Variants in ZSWIM5 observed in about 807,000 individuals in gnomAD.
The protein encoded by ZSWIM5 is zinc finger SWIM domain-containing protein 5.
ZSWIM5 carries 55 observed loss-of-function variants against 119.6 expected under a neutral mutation model. The observed-to-expected ratio is 0.46, with a 90% CI of 0.37 to 0.58. ZSWIM5 has a LOEUF of 0.58. Ranked by LOEUF, ZSWIM5 falls within the 20% of genes least tolerant of loss-of-function variation. ZSWIM5 has a pLI of 0.00. For missense variants in ZSWIM5, 1,193 were observed against 1,512.8 expected, an observed-to-expected ratio of 0.79 and a Z score of 3.51; for synonymous variants, 537 against 606.9, an observed-to-expected ratio of 0.88 and a Z score of 1.69.
At chr1:45,112,815 G>A (rs1237888852) in intron 1 of ZSWIM5, among the ~76,000 whole-genome samples, 3 of 152,142 alleles carry the variant, frequency 2.0e-5, no homozygotes, top group Non-Finnish European at 4.4e-5. Context: ...CTTTGTACCA[G>A]AGCATCACCC....
At chr1:45,116,181 C>A (rs1645556659) in intron 1 of ZSWIM5, among the ~76,000 whole-genome samples, 3 of 152,118 alleles carry the variant, frequency 2.0e-5, no homozygotes. Context: ...ATTAATCAAT[C>A]CTGTATCACT....
At position 45,076,225 on chromosome 1, in the gene ZSWIM5, A is replaced by G. The variant is rs1021435097; in HGVS notation, c.952+11656T>C. ...TCACCAGTGAGTTCTGTACCTTCAT[A>G]TGATTTCTTATTGTTCATTAACATC... On this transcript the variant is annotated intron_variant, in intron 2 of 13. Transcript: ENST00000359600. Among the ~76,000 whole-genome samples the G allele has an allele frequency of 7.9e-5, 12 of 152,246 alleles. 1 individual carries two copies. Among genetic ancestry groups the G allele is most frequent in the Non-Finnish European group, 1.5e-5 (1 of 67,986 alleles).
chr1:45,172,138 AG>A (rs1165846878), intron 1 of ZSWIM5, among the ~76,000 whole-genome samples: 1 of 152,098 alleles, frequency 6.6e-6, no homozygotes, highest in Non-Finnish European at 1.5e-5. Context: ...TCAAAAAAAA[AG>A]GAAAGATAAT....
chr1:45,060,346 C>A, intron 2 of ZSWIM5, 99 bp from the exon 3 acceptor site: 1 of 1,267,886 alleles, frequency 7.9e-7, no homozygotes. Context: ...AGAGATGGGT[C>A]ATTCTGCTTT....
Position 45,036,368 on chromosome 1 carries a change from T to C in ZSWIM5, c.1895-69A>G, listed in dbSNP as rs1330850645. ...GAGTCTTCTTTCTTTTTTTTTTTTT[T>C]TTTTGAGACAGAGTCTTGCTCTGTT... On this transcript the variant is annotated intron_variant, in intron 8 of 13. Coordinates refer to ENST00000359600, the MANE Select transcript of ZSWIM5 (RefSeq NM_020883.2). 8 of 1,523,826 alleles carry C rather than the reference T, an allele frequency of 5.2e-6. No homozygotes were observed. The African/African-American group carries it at 9.8e-5, about 19-fold the overall frequency. 94.4% of individuals were successfully genotyped at this position (1,523,826 alleles called of 1,614,324 possible).
Position 45,183,497 on chromosome 1 carries a change from G to A in ZSWIM5, c.595+22259C>T, listed in dbSNP as rs1001224343. 1.8e-4 allele frequency among the ~76,000 whole-genome samples: 28 copies of A among 151,982 alleles called. 1 individual carries two copies. The highest frequency in any genetic ancestry group is 2.6e-4 in the Non-Finnish European group (18 of 68,002). On this transcript the variant is annotated intron_variant, in intron 1 of 13. Transcript: ENST00000359600. ...AAAGGATCAACAAAATTGATACACCGCTAGCAAGACTAATAAAGAAAAAAA... is the reference window on the plus strand; with the variant it reads ...AAAGGATCAACAAAATTGATACACCACTAGCAAGACTAATAAAGAAAAAAA...
In ZSWIM5 at chr1:45,081,531, T is replaced by G. The variant is rs904397638; in HGVS notation, c.952+6350A>C. On this transcript the variant is annotated intron_variant, in intron 2 of 13. Transcript: ENST00000359600. ...TTTCGCTGTGTTGGCCGGGCTGGTC[T>G]CCAGCTCCTAACCGCGAGTGATCCG... Among the ~76,000 whole-genome samples the G allele has an allele frequency of 4.0e-3, 604 of 152,358 alleles. 3 individuals are homozygous for G. The highest frequency in any genetic ancestry group is 0.014 in the African/African-American group (580 of 41,584).
rs565101218 is a variant in ZSWIM5, at chr1:45,205,992, C to A, written c.359G>T (p.Gly120Val). 18 of 1,478,032 alleles carry A rather than the reference C, an allele frequency of 1.2e-5. No individual in the cohort carries two copies. Among genetic ancestry groups the A allele is most frequent in the East Asian group, 5.6e-5 (2 of 35,734 alleles). 91.6% of individuals were successfully genotyped at this position (1,478,032 alleles called of 1,614,324 possible). A position where few individuals can be genotyped will look rare whatever the true frequency, so the allele number is the denominator to read the frequency against. The change falls in exon 1 of 14, where the codon GGC becomes GTC. Residue 120 changes from glycine (G) to valine (V), a missense_variant. Physicochemically the swap from Gly to Val is moderately radical, Grantham distance 109. This residue lies in a region of ZSWIM5 where 232 missense variants were observed against 222.9 expected (regional missense o/e 1.04). Transcript: ENST00000359600. The stretch of plus-strand genomic sequence containing the variant: ...GCCGCCAGCAGCGCCGGCGCCGGGG[C>A]CGCCCCGGTACTGGAAGCTGGAGTA... Reference protein sequence around the residue: ...CMYSSFQYRGGPGAGAAGGAA... With the variant: ...CMYSSFQYRGVPGAGAAGGAA...
At chr1:45,020,420 A>AAAGCTT (rs1287290533) in intron 12 of ZSWIM5, among the ~76,000 whole-genome samples, 6 of 152,204 alleles carry the variant, frequency 3.9e-5, no homozygotes, top group Admixed American at 3.3e-4. Context: ...CAGGGAGCCT[A>AAAGCTT]AAGCTTTATC....
At chr1:45,162,706 G>A (rs184983082) in intron 1 of ZSWIM5, among the ~76,000 whole-genome samples, 19 of 151,452 alleles carry the variant, frequency 1.3e-4, no homozygotes, top group Admixed American at 1.3e-3. Context: ...CCACGCCCAC[G>A]GAGCCTTGCT....
chr1:45,071,473 T>TTTTTG, intron 2 of ZSWIM5, among the ~76,000 whole-genome samples: 1 of 144,648 alleles, frequency 6.9e-6, no homozygotes. Flanking sequence ...TTTTTTTTTT[T>TTTTTG]GAGATAGGGT....
At chr1:45,165,038 TA>T (rs1204582333) in intron 1 of ZSWIM5, among the ~76,000 whole-genome samples, 4 of 152,090 alleles carry the variant, frequency 2.6e-5, no homozygotes, top group Non-Finnish European at 5.9e-5. Flanking sequence ...ACATCACACT[TA>T]TTCCAAAATT....
rs888005318 is a variant in ZSWIM5 at position 45,072,637 on chromosome 1, A to G, written c.953-12390T>C. On this transcript the variant is annotated intron_variant, in intron 2 of 13. Transcript: ENST00000359600. The surrounding 1 kb of genome is among the most constrained non-coding windows in gnomAD (Gnocchi z 4.1). ...AGGGGTCTAGTTTCATTTCTTCTGC[A>G]TATGGATATCCAGTTTCCTAGCATC... 1.3e-5 allele frequency among the ~76,000 whole-genome samples: 2 copies of G among 152,140 alleles called. No individual in the cohort carries two copies. Among genetic ancestry groups the G allele is most frequent in the South Asian group, 2.1e-4 (1 of 4,832 alleles).
intron 2 of ZSWIM5, among the ~76,000 whole-genome samples, chr1:45,060,642 A>T (rs1165655338): frequency 6.6e-6 from 1 of 152,226 alleles, no homozygotes; most frequent in Admixed American, 6.5e-5. Flanking sequence ...ACATTATTTT[A>T]AAATAAAAAT....
chr1:45,045,980 G>C (rs1335194517), intron 5 of ZSWIM5, among the ~76,000 whole-genome samples: 1 of 152,020 alleles, frequency 6.6e-6, no homozygotes, highest in African/African-American at 2.4e-5. Flanking sequence ...CAAGCACTAA[G>C]TCCTAAGGTA....
intron 1 of ZSWIM5, among the ~76,000 whole-genome samples, chr1:45,155,374 C>A (rs1645820983): frequency 6.6e-6 from 1 of 152,028 alleles, no homozygotes; most frequent in Non-Finnish European, 1.5e-5. Flanking sequence ...AATAATAATA[C>A]AAAAATAGAT....
chr1:45,176,112 C>T (rs1645979518), intron 1 of ZSWIM5, among the ~76,000 whole-genome samples: 1 of 149,514 alleles, frequency 6.7e-6, no homozygotes, highest in South Asian at 2.1e-4. Flanking sequence ...TGCTCTAAGG[C>T]CCTCTCAGTT....
intron 1 of ZSWIM5, among the ~76,000 whole-genome samples, chr1:45,163,485 T>C (rs1207634245): frequency 6.6e-6 from 1 of 152,008 alleles, no homozygotes; most frequent in African/African-American, 2.4e-5. Flanking sequence ...CTTTGACGAG[T>C]TGAGAGAAGG....
At chr1:45,166,266 A>C (rs1645902288) in intron 1 of ZSWIM5, among the ~76,000 whole-genome samples, 1 of 152,138 alleles carries the variant, frequency 6.6e-6, no homozygotes, top group Non-Finnish European at 1.5e-5. Flanking sequence ...AAACTTCAAC[A>C]GCCCTTCATG....
Sources: gnomAD v4.1 joint callset for allele counts (sites outside exome capture counted in the v4.1 genomes callset) on GRCh38, gnomAD v4.1.1 for gene constraint, gnomAD v4.1.1 regional missense constraint, Gnocchi (gnomAD v3.1) non-coding constraint, MANE v1.5 for transcripts, NCBI Gene and HGNC (gene_info 2026-07-23, HGNC 2026-07-21) for gene names.